The following AXIN1 variants were observed in gnomAD, a reference collection of about 807,000 sequenced individuals.
AXIN1 encodes axin-1.
AXIN1 carries 30 observed loss-of-function variants against 76.4 expected under a neutral mutation model. The ratio of observed to expected loss-of-function variants is 0.39; its 90% CI spans 0.29 to 0.53. The LOEUF is 0.53. Ranked by LOEUF, AXIN1 falls within the 20% of genes least tolerant of loss-of-function variation. AXIN1 has a pLI of 0.66. For missense variants in AXIN1, 1,140 were observed against 1,198.8 expected (o/e 0.95, Z 0.72); for synonymous variants, 545 against 501.4 (o/e 1.09, Z -1.16).
intron 3 of AXIN1, among the ~76,000 whole-genome samples, chr16:313,415 C>T (rs62032884): frequency 0.29 from 44,481 of 152,188 alleles, 6,790 homozygotes; most frequent in South Asian, 0.43. Flanking sequence ...CTCCTCCAGC[C>T]CTATCCAGAT....
At chr16:348,623 G>C (rs72765862) in intron 1 of AXIN1, among the ~76,000 whole-genome samples, 1 of 152,094 alleles carries the variant, frequency 6.6e-6, no homozygotes, top group Non-Finnish European at 1.5e-5. Context: ...AACATAGTGA[G>C]ACCCAATCTC....
intron 2 of AXIN1, among the ~76,000 whole-genome samples, chr16:320,964 G>A (rs564973404): frequency 4.6e-5 from 7 of 151,794 alleles, no homozygotes; most frequent in Admixed American, 6.6e-5. Flanking sequence ...GGTCTCGAAC[G>A]CCTGACCTTG....
At chr16:338,124 G>A (rs2053844293) in intron 2 of AXIN1, among the ~76,000 whole-genome samples, 1 of 152,322 alleles carries the variant, frequency 6.6e-6, no homozygotes, top group South Asian at 2.1e-4. Context: ...GCCCAGCCTG[G>A]CCCCCACCTC....
At position 297,834 on chromosome 16, in the gene AXIN1, C is replaced by T. The variant is rs143207998; in HGVS notation, c.1672G>A (p.Ala558Thr). The T allele has an allele frequency of 7.0e-5, 111 of 1,575,906 alleles. No individual in the cohort carries two copies. In the African/African-American group the frequency reaches 1.3e-3, roughly 18 times the overall value. The change falls in exon 6 of 11, where the codon GCC becomes ACC. Residue 558 changes from alanine to threonine, a missense_variant. Ala to Thr is a moderately conservative substitution (Grantham distance 58, BLOSUM62 0). Coordinates refer to ENST00000262320, the MANE Select transcript of AXIN1 (RefSeq NM_003502.4). The stretch of plus-strand genomic sequence containing the variant: ...AGGCCCCAGGCGAAGCTGCTCTGGG[C>T]CCTGCGGGTGGCCTCGGCCTCCACC... ...EQVEAEATRRAQSSFAWGLEP... is the reference protein window; with the variant it reads ...EQVEAEATRRTQSSFAWGLEP...
intron 2 of AXIN1, among the ~76,000 whole-genome samples, chr16:331,909 T>C (rs1211199736): frequency 6.6e-6 from 1 of 152,188 alleles, no homozygotes. Flanking sequence ...GCTGAGCCCC[T>C]GCTCAAAAGC....
intron 2 of AXIN1, among the ~76,000 whole-genome samples, chr16:315,712 A>G (rs1011504017): frequency 6.6e-6 from 1 of 152,158 alleles, no homozygotes; most frequent in African/African-American, 2.4e-5. Context: ...CTGTAGTCCC[A>G]GACTACTTCG....
In AXIN1 at chr16:293,828, T is replaced by TG; in HGVS notation, c.1956-111dup. 2 of 1,045,822 alleles carry TG rather than the reference T, an allele frequency of 1.9e-6. No homozygotes were observed. Among genetic ancestry groups the TG allele is most frequent in the Non-Finnish European group, 1.5e-6 (1 of 680,336 alleles). 64.8% of individuals were successfully genotyped at this position (1,045,822 alleles called of 1,614,324 possible). On this transcript the variant is annotated intron_variant, in intron 7 of 10. Coordinates refer to ENST00000262320, the MANE Select transcript of AXIN1 (RefSeq NM_003502.4). The surrounding 1 kb of genome is among the most constrained non-coding windows in gnomAD (Gnocchi z 4.6). Reference sequence around the variant, plus strand: ...AGCCTCCTTGAGGGATAGGATGGGATGGGGCACTGGGGCCTGGCCACCAAG... The same window carrying TG: ...AGCCTCCTTGAGGGATAGGATGGGATGGGGGCACTGGGGCCTGGCCACCAAG...
At chr16:352,062 G>A (rs1376106755) in intron 1 of AXIN1, among the ~76,000 whole-genome samples, 1 of 152,006 alleles carries the variant, frequency 6.6e-6, no homozygotes, top group Admixed American at 6.5e-5. Flanking sequence ...GTCCTCCTCC[G>A]GGACAGCCGG....
Position 344,471 on chromosome 16 carries a change from TTTTTG to T in AXIN1, c.878+1672_878+1676del, listed in dbSNP as rs1353217277. 1.3e-4 allele frequency among the ~76,000 whole-genome samples: 18 copies of T among 140,712 alleles called. 1 individual carries two copies. The highest frequency in any genetic ancestry group is 3.3e-4 in the African/African-American group (13 of 39,210). The allele number at this position is 140,712 out of a possible 152,430, so 92.3% of individuals were successfully genotyped here. On this transcript the variant is annotated intron_variant, in intron 2 of 10. Coordinates refer to ENST00000262320, the MANE Select transcript of AXIN1 (RefSeq NM_003502.4). ...TTAACCAATTAACCTACACAATCCT[TTTTTG>T]TTTTTTTTTTGTTTTTTTTCTGAGA...
chr16:292,070 CA>C (rs2052575937), intron 8 of AXIN1: 1 of 153,126 alleles, frequency 6.5e-6, no homozygotes, highest in Non-Finnish European at 1.5e-5. Context: ...CCACGGGTAC[CA>C]GGGGAAAGCG....
intron 7 of AXIN1, among the ~76,000 whole-genome samples, chr16:294,094 G>T (rs1356036528): frequency 6.6e-6 from 1 of 152,144 alleles, no homozygotes; most frequent in African/African-American, 2.4e-5. Context: ...TGGGGAAGTG[G>T]AGGTTACAGT....
chr16:299,684 C>T (rs745752424), intron 5 of AXIN1, among the ~76,000 whole-genome samples: 3 of 125,578 alleles, frequency 2.4e-5, no homozygotes, highest in Non-Finnish European at 3.4e-5. Context: ...GAGACAGAGT[C>T]TCGCTCTGTC....
At chr16:299,102 G>A (rs534221502) in intron 5 of AXIN1, 1,371 of 985,394 alleles carry the variant, frequency 1.4e-3, no homozygotes, top group Non-Finnish European at 1.5e-3. Context: ...TGTACAGAAC[G>A]GCTCTTGGGT....
chr16:347,237 G>A lies in AXIN1; in HGVS notation c.-81-131C>T. 3 of 833,068 alleles carry A rather than the reference G, an allele frequency of 3.6e-6. No homozygotes were observed. The South Asian group carries it at 5.4e-5, about 15-fold the overall frequency. 51.6% of individuals were successfully genotyped at this position (833,068 alleles called of 1,614,324 possible). On this transcript the variant is annotated intron_variant, in intron 1 of 10. Coordinates refer to ENST00000262320, the MANE Select transcript of AXIN1 (RefSeq NM_003502.4). ...TCAAAGCAAGAAACTCAGTTTAAAT[G>A]TTCAATCAAGATATATTTTGGCCAC...
intron 2 of AXIN1, among the ~76,000 whole-genome samples, chr16:333,201 G>A (rs377638881): frequency 1.2e-4 from 18 of 151,892 alleles, no homozygotes; most frequent in Admixed American, 2.0e-4. Context: ...GTGTGGTGGC[G>A]CATGCCTGTA....
intron 2 of AXIN1, among the ~76,000 whole-genome samples, chr16:319,748 T>C (rs1010195721): frequency 7.2e-5 from 11 of 152,218 alleles, no homozygotes. Context: ...TCTTCCGTCT[T>C]TTCACATTTA....
chr16:299,150 A>G (rs560797766), intron 5 of AXIN1: 1 of 985,462 alleles, frequency 1.0e-6, no homozygotes, highest in East Asian at 1.1e-4. Flanking sequence ...GAGCTTCCAC[A>G]TGAAGCCGGT....
At chr16:349,895 C>T (rs1298575586) in intron 1 of AXIN1, among the ~76,000 whole-genome samples, 2 of 152,184 alleles carry the variant, frequency 1.3e-5, no homozygotes, top group East Asian at 3.8e-4. Flanking sequence ...GCTTCCCAGG[C>T]TCAAGCAATT....
chr16:337,221 G>C (rs1243898575), intron 2 of AXIN1, among the ~76,000 whole-genome samples: 1 of 141,738 alleles, frequency 7.1e-6, no homozygotes, highest in Non-Finnish European at 1.5e-5. Context: ...ATGTGCTTTT[G>C]AATAGCTGCA....
Sources: gnomAD v4.1 joint callset for allele counts (sites outside exome capture counted in the v4.1 genomes callset) on GRCh38, gnomAD v4.1.1 for gene constraint, Gnocchi (gnomAD v3.1) non-coding constraint, MANE v1.5 for transcripts, NCBI Gene and HGNC (gene_info 2026-07-23, HGNC 2026-07-21) for gene names.